KCND2: variants seen among roughly 807,000 people sequenced by gnomAD.
The protein encoded by KCND2 is potassium voltage-gated channel subfamily D member 2, also known as A-type voltage-gated potassium channel KCND2.
Under a neutral mutation model 54.4 loss-of-function variants are expected in KCND2, and 16 were observed. That is an observed-to-expected ratio of 0.29 (90% CI 0.20 to 0.45). The LOEUF (loss-of-function observed/expected upper bound fraction) is 0.45. KCND2 is among the 20% of genes least tolerant of loss of function. KCND2 has a pLI of 1.00. For synonymous variants in KCND2, 317 were observed against 310.7 expected, an observed-to-expected ratio of 1.02 and a Z score of -0.21; for missense variants, 486 against 824.2, an observed-to-expected ratio of 0.59 and a Z score of 5.02.
intron 1 of KCND2, among the ~76,000 whole-genome samples, chr7:120,291,570 T>C (rs1799436043): frequency 6.6e-6 from 1 of 151,832 alleles, no homozygotes; most frequent in African/African-American, 2.4e-5. Flanking sequence ...AGAATCCAGA[T>C]TTCAGTTAAC....
chr7:120,567,752 C>A (rs1792315672), intron 1 of KCND2, among the ~76,000 whole-genome samples: 1 of 151,936 alleles, frequency 6.6e-6, no homozygotes, highest in African/African-American at 2.4e-5. Flanking sequence ...ATATTTCTGC[C>A]TGCAAAGCTA....
intron 1 of KCND2, among the ~76,000 whole-genome samples, chr7:120,687,648 T>C (rs770494007): frequency 7.8e-4 from 119 of 152,088 alleles, no homozygotes; most frequent in Non-Finnish European, 1.4e-3. Context: ...GGACCCCATA[T>C]CTAAAAAGAA....
At chr7:120,567,933 G>A (rs1247525796) in intron 1 of KCND2, among the ~76,000 whole-genome samples, 1 of 152,000 alleles carries the variant, frequency 6.6e-6, no homozygotes, top group African/African-American at 2.4e-5. Context: ...GATATACTTT[G>A]CATCAATGAT....
In KCND2 at chr7:120,685,622, C is replaced by T. The variant is rs116078984; in HGVS notation, c.1116-47281C>T. Among the ~76,000 whole-genome samples the T allele has an allele frequency of 4.7e-3, 713 of 152,158 alleles. 5 individuals carry two copies. Among genetic ancestry groups the T allele is most frequent in the African/African-American group, 0.016 (683 of 41,516 alleles). On this transcript the variant is annotated intron_variant, in intron 1 of 5. Coordinates refer to ENST00000331113, the MANE Select transcript of KCND2 (RefSeq NM_012281.3). ...TGGAGTCTGGCTTTCTTCAGAATGG[C>T]GGTGTCAACTACATATTTGCTATCA...
intron 1 of KCND2, among the ~76,000 whole-genome samples, chr7:120,597,530 A>G (rs944255584): frequency 7.9e-4 from 121 of 152,206 alleles, no homozygotes; most frequent in African/African-American, 2.8e-3. Context: ...AAGGACAGAT[A>G]TATTATTTAA....
intron 1 of KCND2, among the ~76,000 whole-genome samples, chr7:120,369,569 G>A (rs192001349): frequency 6.6e-6 from 1 of 152,162 alleles, no homozygotes; most frequent in East Asian, 1.9e-4. Context: ...CAATCCAGAT[G>A]TAGAGTCTGC....
intron 1 of KCND2, among the ~76,000 whole-genome samples, chr7:120,280,512 A>C (rs1799244372): frequency 6.7e-6 from 1 of 150,244 alleles, no homozygotes; most frequent in Non-Finnish European, 1.5e-5. Flanking sequence ...TTTCCTTTAG[A>C]CTACTGATAA....
At chr7:120,342,893 T>C (rs1800261312) in intron 1 of KCND2, among the ~76,000 whole-genome samples, 1 of 152,112 alleles carries the variant, frequency 6.6e-6, no homozygotes, top group Admixed American at 6.6e-5. Context: ...TTTCCAGTCT[T>C]GCATGATCAA....
chr7:120,486,619 A>ATTAAAAT (rs1802697518), intron 1 of KCND2, among the ~76,000 whole-genome samples: 1 of 152,108 alleles, frequency 6.6e-6, no homozygotes, highest in African/African-American at 2.4e-5. Context: ...AAGGGGATGC[A>ATTAAAAT]TTAAAATTTC....
At chr7:120,391,375 G>A (rs990546695) in intron 1 of KCND2, among the ~76,000 whole-genome samples, 5 of 151,958 alleles carry the variant, frequency 3.3e-5, no homozygotes, top group Non-Finnish European at 2.9e-5. Context: ...TGCAATAAAC[G>A]TATGTGTGCA....
chr7:120,537,224 C>G (rs1434781561), intron 1 of KCND2, among the ~76,000 whole-genome samples: 1 of 152,108 alleles, frequency 6.6e-6, no homozygotes, highest in African/African-American at 2.4e-5. Context: ...CTTGGGTGAC[C>G]AGGACCATTG....
At chr7:120,698,980 A>T (rs1408025724) in intron 1 of KCND2, among the ~76,000 whole-genome samples, 4 of 152,192 alleles carry the variant, frequency 2.6e-5, no homozygotes, top group Non-Finnish European at 5.9e-5. Context: ...AGTCTAGCAC[A>T]TGAAAATGGT....
chr7:120,705,238 T>C (rs1281871951), intron 1 of KCND2, among the ~76,000 whole-genome samples: 1 of 152,188 alleles, frequency 6.6e-6, no homozygotes, highest in African/African-American at 2.4e-5. Flanking sequence ...TCCTAAGACC[T>C]TGATGATCTT....
intron 1 of KCND2, among the ~76,000 whole-genome samples, chr7:120,696,021 T>C (rs990803953): frequency 2.0e-5 from 3 of 152,154 alleles, no homozygotes; most frequent in African/African-American, 7.2e-5. Context: ...ATTTAATAGC[T>C]TCAATGGAAA....
intron 1 of KCND2, among the ~76,000 whole-genome samples, chr7:120,371,799 A>C (rs1800769085): frequency 6.6e-6 from 1 of 151,982 alleles, no homozygotes; most frequent in South Asian, 2.1e-4. Flanking sequence ...GCCTAGGAGC[A>C]ATAGGCTATA....
intron 1 of KCND2, among the ~76,000 whole-genome samples, chr7:120,522,356 C>A (rs1381230278): frequency 6.6e-6 from 1 of 152,154 alleles, no homozygotes; most frequent in Non-Finnish European, 1.5e-5. Context: ...ACTTCTCAAC[C>A]AAGGACTTAT....
chr7:120,645,638 AT>A (rs1793431501), intron 1 of KCND2, among the ~76,000 whole-genome samples: 1 of 152,074 alleles, frequency 6.6e-6, no homozygotes, highest in Non-Finnish European at 1.5e-5. Flanking sequence ...TGGCATGCTA[AT>A]TTAGGGTTCT....
chr7:120,437,505 A>G (rs1471283902), intron 1 of KCND2, among the ~76,000 whole-genome samples: 1 of 152,092 alleles, frequency 6.6e-6, no homozygotes, highest in East Asian at 1.9e-4. Context: ...CCCAGCCCCA[A>G]TATAGAACAT....
At chr7:120,703,481 C>A (rs1171772729) in intron 1 of KCND2, among the ~76,000 whole-genome samples, 1 of 152,110 alleles carries the variant, frequency 6.6e-6, no homozygotes, top group East Asian at 1.9e-4. Flanking sequence ...TAATTGGGAG[C>A]GATGTGGCTA....
Sources: allele counts gnomAD v4.1 joint callset (sites outside exome capture counted in the v4.1 genomes callset), GRCh38; gene constraint gnomAD v4.1.1; transcripts MANE v1.5; gene names NCBI Gene and HGNC (gene_info 2026-07-23, HGNC 2026-07-21).